PARD3: variants seen among roughly 807,000 people sequenced by gnomAD.
PARD3 encodes partitioning defective 3 homolog.
In PARD3, 75 loss-of-function variants were observed where a neutral mutation model predicts 155.4. The observed-to-expected ratio is 0.48, with a 90% CI of 0.40 to 0.58. The LOEUF (loss-of-function observed/expected upper bound fraction) is 0.58, where lower values mean the gene tolerates loss of function less well. PARD3 is among the 20% of genes least tolerant of loss of function. PARD3 has a pLI of 0.00. For synonymous variants in PARD3, 576 were observed against 610.5 expected, an observed-to-expected ratio of 0.94 and a Z score of 0.83; for missense variants, 1,642 against 1,721.7, an observed-to-expected ratio of 0.95 and a Z score of 0.82.
intron 2 of PARD3, among the ~76,000 whole-genome samples, chr10:34,531,771 ATTTC>A (rs2082874804): frequency 6.6e-6 from 1 of 152,072 alleles, no homozygotes; most frequent in African/African-American, 2.4e-5. Flanking sequence ...TTTTGGGAGC[ATTTC>A]CAGCATCACT....
intron 4 of PARD3, among the ~76,000 whole-genome samples, chr10:34,460,279 C>T (rs896264503): frequency 6.6e-6 from 1 of 152,032 alleles, no homozygotes; most frequent in Non-Finnish European, 1.5e-5. Context: ...ATTTGAGTAA[C>T]GTCTATTGAA....
intron 2 of PARD3, among the ~76,000 whole-genome samples, chr10:34,556,229 C>G (rs993954825): frequency 3.3e-5 from 5 of 152,162 alleles, no homozygotes; most frequent in African/African-American, 9.7e-5. Context: ...AGTACCGTTA[C>G]AACAACGTTT....
rs910330053 is a variant in PARD3 at position 34,738,075 on chromosome 10, T to C, written c.121-41656A>G. ...TCTTACTACAGGCAATACCCTCGAA[T>C]ATTTTCTACTCTATTCTTTCTCTGT... On this transcript the variant is annotated intron_variant, in intron 1 of 24. Transcript: ENST00000374788. Among the ~76,000 whole-genome samples, 13 of 152,322 alleles carry C rather than the reference T, an allele frequency of 8.5e-5. No homozygotes were observed. In the South Asian group the frequency reaches 1.2e-3, roughly 15 times the overall value.
intron 20 of PARD3, among the ~76,000 whole-genome samples, chr10:34,290,260 T>TA (rs1344081718): frequency 6.6e-6 from 1 of 152,230 alleles, no homozygotes; most frequent in African/African-American, 2.4e-5. Flanking sequence ...AAAAAAGTCT[T>TA]AAAAATCTGC....
intron 22 of PARD3, among the ~76,000 whole-genome samples, chr10:34,241,932 T>G (rs1464117501): frequency 6.6e-6 from 1 of 152,032 alleles, no homozygotes; most frequent in African/African-American, 2.4e-5. Context: ...TAACTATCTG[T>G]ATTGTGCATA....
chr10:34,271,696 A>T (rs1955617590), intron 21 of PARD3, among the ~76,000 whole-genome samples: 1 of 152,248 alleles, frequency 6.6e-6, no homozygotes, highest in Non-Finnish European at 1.5e-5. Flanking sequence ...AGGCAATGCA[A>T]TAAGCCTAGA....
At chr10:34,376,537 A>C (rs1841262975) in intron 10 of PARD3, among the ~76,000 whole-genome samples, 1 of 152,304 alleles carries the variant, frequency 6.6e-6, no homozygotes, top group African/African-American at 2.4e-5. Flanking sequence ...TTATAACCCC[A>C]GGACAAGTGG....
Position 34,517,083 on chromosome 10 carries a change from C to T in PARD3, c.299G>A (p.Ser100Asn). The T allele has an allele frequency of 6.2e-7, 1 of 1,614,186 alleles. No individual in the cohort carries two copies. Among genetic ancestry groups the T allele is most frequent in the Non-Finnish European group, 8.5e-7 (1 of 1,180,022 alleles). Residue 100 changes from serine (S) to asparagine (N), a missense_variant, in exon 3 of 25, where the codon AGC becomes AAC. Ser to Asn is a conservative substitution (Grantham distance 46, BLOSUM62 1). Around this residue, in one of 3 missense-constraint regions of PARD3, gnomAD observed 1,529 missense variants for 1,587.3 expected, o/e 0.96. Coordinates refer to ENST00000374788, the MANE Select transcript of PARD3 (RefSeq NM_001184785.2). ...GTSASSTGTQ[S>N]PEIFGSELGT... ...AAGCTCACTACCAAATATCTCTGGG[C>T]TCTGGGTACCCGTGGAACTGGCACT...
intron 22 of PARD3, among the ~76,000 whole-genome samples, chr10:34,168,259 T>C (rs1949629870): frequency 6.6e-6 from 1 of 152,188 alleles, no homozygotes; most frequent in South Asian, 2.1e-4. Flanking sequence ...AACAGTTATT[T>C]AGTGGTAGTT....
At chr10:34,684,778 TACACACACACAC>T (rs3087285) in intron 2 of PARD3, among the ~76,000 whole-genome samples, 1,523 of 119,080 alleles carry the variant, frequency 0.013, 8 homozygotes, top group African/African-American at 0.017. Flanking sequence ...TGATGATACA[TACACACACACAC>T]ACACACACAC....
At chr10:34,716,281 A>C (rs1321046909) in intron 1 of PARD3, among the ~76,000 whole-genome samples, 2 of 152,236 alleles carry the variant, frequency 1.3e-5, no homozygotes, top group Non-Finnish European at 2.9e-5. Flanking sequence ...AAAACAGAGA[A>C]TACATCAAGC....
At position 34,348,094 on chromosome 10, in the gene PARD3, G is replaced by C. The variant is rs74948568; in HGVS notation, c.2089C>G (p.Pro697Ala). Reference sequence around the variant, plus strand: ...GTTTCAATGGGCAGCTCAGGTCCAGGGGGGCTCCCAGGTGACTTCAGCTAC... The same window carrying C: ...GTTTCAATGGGCAGCTCAGGTCCAGCGGGGCTCCCAGGTGACTTCAGCTAC... Reference protein sequence around the residue: ...CNELKSPGSPPGPELPIETAL... With the variant: ...CNELKSPGSPAGPELPIETAL... Residue 697 changes from proline to alanine, a missense_variant, in exon 15 of 25, where the codon CCT (proline) becomes GCT (alanine). By Grantham distance (27) the Pro-to-Ala change is conservative (BLOSUM62 -1). Transcript: ENST00000374788. 2 of 1,610,048 alleles carry C rather than the reference G, an allele frequency of 1.2e-6. No homozygotes were observed. Among genetic ancestry groups the C allele is most frequent in the East Asian group, 2.2e-5 (1 of 44,760 alleles).
chr10:34,238,355 C>T (rs1000255330), intron 22 of PARD3, among the ~76,000 whole-genome samples: 3 of 152,180 alleles, frequency 2.0e-5, no homozygotes, highest in Non-Finnish European at 2.9e-5. Flanking sequence ...CAGATTCAGG[C>T]TCAACAAGGC....
intron 22 of PARD3, among the ~76,000 whole-genome samples, chr10:34,175,923 C>T (rs1045836987): frequency 1.3e-5 from 2 of 152,196 alleles, no homozygotes; most frequent in African/African-American, 4.8e-5. Context: ...ATAACAATCT[C>T]TTCCCTTCTT....
At chr10:34,620,253 T>C (rs937247429) in intron 2 of PARD3, among the ~76,000 whole-genome samples, 1 of 152,138 alleles carries the variant, frequency 6.6e-6, no homozygotes, top group Non-Finnish European at 1.5e-5. Flanking sequence ...ATATGACTCC[T>C]ACTCCTCCAC....
chr10:34,209,924 T>C (rs1951658373), intron 22 of PARD3, among the ~76,000 whole-genome samples: 1 of 152,190 alleles, frequency 6.6e-6, no homozygotes, highest in South Asian at 2.1e-4. Flanking sequence ...CTTTAATATT[T>C]ATATGTAAAG....
intron 2 of PARD3, among the ~76,000 whole-genome samples, chr10:34,606,697 T>TGC (rs2090483447): frequency 6.9e-6 from 1 of 145,944 alleles, no homozygotes; most frequent in South Asian, 2.2e-4. Context: ...TGGCTGGGCA[T>TGC]GGTGGCTCAC....
chr10:34,686,964 G>A lies in PARD3; in HGVS notation c.222+9354C>T, dbSNP rs372816465. ...CTCGGGAGGCTGAGGCAGAAGAATC[G>A]CTTGAACCCAAGAGGCAGAGGTTTC... is the stretch of plus-strand genomic sequence containing the variant. On this transcript the variant is annotated intron_variant, in intron 2 of 24. Transcript: ENST00000374788. Among the ~76,000 whole-genome samples, 42 of 152,032 alleles carry A rather than the reference G, an allele frequency of 2.8e-4. 2 individuals carry two copies. The highest frequency in any genetic ancestry group is 6.8e-3 in the Middle Eastern group (2 of 292).
At chr10:34,125,071 C>CTTTTTT (rs71523316) in intron 23 of PARD3, among the ~76,000 whole-genome samples, 2 of 140,632 alleles carry the variant, frequency 1.4e-5, no homozygotes, top group African/African-American at 5.6e-5. Context: ...CTATTTCTTT[C>CTTTTTT]TTTTTTTTTT....
Sources: gnomAD v4.1 joint callset for allele counts (sites outside exome capture counted in the v4.1 genomes callset) on GRCh38, gnomAD v4.1.1 for gene constraint, gnomAD v4.1.1 regional missense constraint, MANE v1.5 for transcripts, NCBI Gene and HGNC (gene_info 2026-07-23, HGNC 2026-07-21) for gene names.